CTNNA3: variants seen among roughly 807,000 people sequenced by gnomAD.
CTNNA3 encodes catenin alpha-3.
A neutral mutation model predicts 95.7 loss-of-function variants in CTNNA3; 76 were observed. That is an observed-to-expected ratio of 0.79 (90% confidence interval 0.66 to 0.96). The LOEUF (loss-of-function observed/expected upper bound fraction) is 0.96, where lower values mean the gene tolerates loss of function less well. Among genes scored for constraint, CTNNA3 ranks in the 40% least tolerant of loss-of-function variants. The probability of loss-of-function intolerance (pLI) is 0.00; values close to 1 mark genes in which losing one functional copy is unlikely to be tolerated. For synonymous variants in CTNNA3, 431 were observed against 374.4 expected, an observed-to-expected ratio of 1.15 and a Z score of -1.74; for missense variants, 1,191 against 1,089.8, an observed-to-expected ratio of 1.09 and a Z score of -1.31.
intron 7 of CTNNA3, among the ~76,000 whole-genome samples, chr10:67,066,333 C>T (rs1013912298): frequency 2.0e-5 from 3 of 151,800 alleles, no homozygotes; most frequent in Non-Finnish European, 4.4e-5. Flanking sequence ...ACTGGGACTA[C>T]AGGTGTGCGC....
chr10:67,133,619 A>T (rs149843415), intron 7 of CTNNA3, among the ~76,000 whole-genome samples: 1 of 152,022 alleles, frequency 6.6e-6, no homozygotes, highest in Non-Finnish European at 1.5e-5. Context: ...TTAAGGGAAA[A>T]AAATGAAAGA....
intron 9 of CTNNA3, among the ~76,000 whole-genome samples, chr10:66,644,270 C>T (rs1476287374): frequency 1.9e-5 from 2 of 104,450 alleles, no homozygotes; most frequent in East Asian, 6.1e-4. Flanking sequence ...CTCTGTCTGT[C>T]TGTCTGTCTG....
intron 7 of CTNNA3, among the ~76,000 whole-genome samples, chr10:67,110,451 C>T (rs1468168833): frequency 6.6e-6 from 1 of 152,032 alleles, no homozygotes; most frequent in African/African-American, 2.4e-5. Context: ...CCTGAGTGGA[C>T]TAGAAGGGGA....
intron 13 of CTNNA3, among the ~76,000 whole-genome samples, chr10:66,173,472 C>A (rs1028896864): frequency 6.6e-6 from 1 of 151,830 alleles, no homozygotes; most frequent in Non-Finnish European, 1.5e-5. Context: ...ATTGCTTGAA[C>A]CCAGGAGTTT....
chr10:66,601,020 C>A (rs1020720850), intron 10 of CTNNA3, among the ~76,000 whole-genome samples: 2 of 151,706 alleles, frequency 1.3e-5, no homozygotes, highest in African/African-American at 4.8e-5. Flanking sequence ...GGAGTAGTCA[C>A]CTAAAATCTC....
intron 5 of CTNNA3, among the ~76,000 whole-genome samples, chr10:67,348,496 C>CA (rs1177550040): frequency 2.0e-5 from 3 of 152,098 alleles, no homozygotes; most frequent in African/African-American, 2.4e-5. Context: ...AGGCTGTACA[C>CA]AAAGCGTGGC....
chr10:66,221,913 T>C (rs1409522010), intron 13 of CTNNA3, among the ~76,000 whole-genome samples: 1 of 152,140 alleles, frequency 6.6e-6, no homozygotes, highest in African/African-American at 2.4e-5. Context: ...AGTAATTGAG[T>C]TGCATTTTGG....
intron 1 of CTNNA3, among the ~76,000 whole-genome samples, chr10:67,717,444 G>A (rs1841150904): frequency 6.6e-6 from 1 of 151,994 alleles, no homozygotes; most frequent in South Asian, 2.1e-4. Flanking sequence ...GGTTTTTATG[G>A]TTTTCAGTTT....
intron 11 of CTNNA3, among the ~76,000 whole-genome samples, chr10:66,433,640 T>G (rs1375814348): frequency 6.6e-6 from 1 of 152,244 alleles, no homozygotes. Context: ...AGAAGCTCTT[T>G]AGTTTAATTA....
chr10:66,775,502 T>C lies in CTNNA3; in HGVS notation c.1070A>G (p.Asn357Ser). 1 of 1,610,390 alleles carries C rather than the reference T, an allele frequency of 6.2e-7. No individual in the cohort carries two copies. Among genetic ancestry groups the C allele is most frequent in the South Asian group, 1.1e-5 (1 of 90,230 alleles). The change falls in exon 8 of 18, where the codon AAT becomes AGT. Residue 357 changes from asparagine to serine, a missense_variant. Transcript: ENST00000433211. ...GTTGTCTAAAGCAATATTCAGGGTA[T>C]TACTCCTTTCTTTTTTTCCAGCCTG... ...MNNAGKKERS[N>S]TLNIALDNMC...
At chr10:67,455,567 A>C (rs1380569044) in intron 5 of CTNNA3, among the ~76,000 whole-genome samples, 2 of 152,154 alleles carry the variant, frequency 1.3e-5, no homozygotes, top group African/African-American at 4.8e-5. Context: ...CAAAGTTAAT[A>C]TCATCATTGA....
chr10:66,915,733 C>T (rs1436907261), intron 7 of CTNNA3, among the ~76,000 whole-genome samples: 1 of 143,894 alleles, frequency 6.9e-6, no homozygotes, highest in Non-Finnish European at 1.5e-5. Context: ...TACACACACA[C>T]ACATATATAC....
intron 5 of CTNNA3, among the ~76,000 whole-genome samples, chr10:67,295,914 T>C (rs1437282103): frequency 1.3e-5 from 2 of 152,208 alleles, no homozygotes; most frequent in Admixed American, 6.5e-5. Context: ...AAAACTGTAA[T>C]GTACCATACA....
chr10:67,697,000 G>C (rs1235760355), upstream of CTNNA3, among the ~76,000 whole-genome samples: 1 of 152,168 alleles, frequency 6.6e-6, no homozygotes, highest in Non-Finnish European at 1.5e-5. Flanking sequence ...TTAAAAGGCT[G>C]AATTCAAAAT....
intron 7 of CTNNA3, among the ~76,000 whole-genome samples, chr10:66,826,963 C>T (rs1842537429): frequency 6.6e-6 from 1 of 152,182 alleles, no homozygotes; most frequent in South Asian, 2.1e-4. Context: ...ACTTGTGTGG[C>T]TGTACTGTAC....
At chr10:66,967,852 TGAG>T (rs1849521376) in intron 7 of CTNNA3, among the ~76,000 whole-genome samples, 4 of 152,080 alleles carry the variant, frequency 2.6e-5, no homozygotes, top group Admixed American at 2.6e-4. Context: ...TCTACAACAA[TGAG>T]TAGTTAATAG....
intron 1 of CTNNA3, among the ~76,000 whole-genome samples, chr10:67,701,496 C>T (rs1425945178): frequency 1.3e-5 from 2 of 152,126 alleles, no homozygotes; most frequent in African/African-American, 4.8e-5. Flanking sequence ...AAAGAATTTT[C>T]AACCCAGAAT....
intron 7 of CTNNA3, among the ~76,000 whole-genome samples, chr10:67,064,696 C>T (rs930404353): frequency 5.3e-5 from 8 of 152,120 alleles, no homozygotes; most frequent in Non-Finnish European, 1.2e-4. Context: ...GTCAGAAATT[C>T]AGTTAAGATG....
intron 5 of CTNNA3, among the ~76,000 whole-genome samples, chr10:67,237,173 T>TATATACAC (rs1554810783): frequency 8.0e-5 from 9 of 112,826 alleles, no homozygotes; most frequent in African/African-American, 2.7e-4. Context: ...TATATATATA[T>TATATACAC]ACACACACAA....
Sources: allele counts gnomAD v4.1 joint callset (sites outside exome capture counted in the v4.1 genomes callset), GRCh38; gene constraint gnomAD v4.1.1; transcripts MANE v1.5; gene names NCBI Gene and HGNC (gene_info 2026-07-23, HGNC 2026-07-21).